Variants in ARK2N observed in about 807,000 individuals in gnomAD.
ARK2N encodes the protein arkadia (RNF111) N-terminal like PKA signaling regulator 2N, also known as protein ARK2N.
chr18:46,255,445 C>CTTTTTTTTTTTT, the ARK2N span, among the ~76,000 whole-genome samples: 4 of 77,738 alleles, frequency 5.1e-5, no homozygotes, highest in African/African-American at 1.8e-4. Flanking sequence ...CTTTTCTTTT[C>CTTTTTTTTTTTT]TTTTTTTTTT....
chr18:46,227,241 A>G, the ARK2N span, among the ~76,000 whole-genome samples: 1 of 152,216 alleles, frequency 6.6e-6, no homozygotes, highest in African/African-American at 2.4e-5. Flanking sequence ...AAGAGGAAGT[A>G]TAGGCGGTAT....
At chr18:46,182,615 GT>G in the ARK2N span, among the ~76,000 whole-genome samples, 1 of 141,562 alleles carries the variant, frequency 7.1e-6, no homozygotes, top group East Asian at 2.1e-4. Context: ...AAGAACCTCT[GT>G]TTTAAATTAT....
chr18:46,192,069 C>A, the ARK2N span, among the ~76,000 whole-genome samples: 655 of 152,270 alleles, frequency 4.3e-3, 5 homozygotes, highest in African/African-American at 0.015. Context: ...TAAGTCGCTT[C>A]CAATTTTTGA....
At chr18:46,229,516 T>A in the ARK2N span, among the ~76,000 whole-genome samples, 1 of 151,630 alleles carries the variant, frequency 6.6e-6, no homozygotes, top group East Asian at 1.9e-4. Flanking sequence ...CCCGGCTAAT[T>A]TTTTGTATTT....
the ARK2N span, among the ~76,000 whole-genome samples, chr18:46,195,835 T>C: frequency 6.6e-6 from 1 of 151,984 alleles, no homozygotes; most frequent in African/African-American, 2.4e-5. Context: ...TTCAGCCTCT[T>C]AAAATGCTGG....
the ARK2N span, among the ~76,000 whole-genome samples, chr18:46,183,778 C>G: frequency 6.6e-6 from 1 of 152,056 alleles, no homozygotes; most frequent in Non-Finnish European, 1.5e-5. Flanking sequence ...AAAACTGACT[C>G]AAAATCCCAG....
chr18:46,243,488 C>CT, the ARK2N span, among the ~76,000 whole-genome samples: 716 of 152,188 alleles, frequency 4.7e-3, 9 homozygotes, highest in African/African-American at 0.016. Flanking sequence ...AGTAGGTTGC[C>CT]TTTTTCCAAG....
the ARK2N span, chr18:46,216,353 G>A: frequency 1.2e-6 from 2 of 1,614,026 alleles, no homozygotes; most frequent in Non-Finnish European, 1.7e-6. This position sits in a 1 kb window ranked among gnomAD's most constrained non-coding sequence, Gnocchi z 4.3. Flanking sequence ...AAGAAAAACC[G>A]GCAATCCAGT....
At chr18:46,247,998 GCA>G in the ARK2N span, among the ~76,000 whole-genome samples, 1 of 152,132 alleles carries the variant, frequency 6.6e-6, no homozygotes, top group East Asian at 1.9e-4. Context: ...TAGTGAGTAG[GCA>G]CAGTTTTGAG....
chr18:46,192,581 T>A, the ARK2N span, among the ~76,000 whole-genome samples: 1 of 151,086 alleles, frequency 6.6e-6, no homozygotes, highest in African/African-American at 2.4e-5. Context: ...ATCTCAATTT[T>A]TTTTTTTTGA....
At chr18:46,246,548 A>G in the ARK2N span, among the ~76,000 whole-genome samples, 1 of 144,864 alleles carries the variant, frequency 6.9e-6, no homozygotes, top group African/African-American at 2.5e-5. Context: ...CTATTAGTCT[A>G]GGAGTTGTTA....
the ARK2N span, among the ~76,000 whole-genome samples, chr18:46,202,412 C>G: frequency 6.6e-6 from 1 of 152,146 alleles, no homozygotes; most frequent in Non-Finnish European, 1.5e-5. Context: ...GTGTAGTTAG[C>G]ATGAGCTAGG....
chr18:46,257,304 A>G, the ARK2N span, among the ~76,000 whole-genome samples: 1 of 152,054 alleles, frequency 6.6e-6, no homozygotes, highest in Non-Finnish European at 1.5e-5. Flanking sequence ...CAGTAATTCT[A>G]GTTGTGATAT....
chr18:46,200,455 G>A, the ARK2N span, among the ~76,000 whole-genome samples: 5 of 152,048 alleles, frequency 3.3e-5, no homozygotes, highest in Admixed American at 2.6e-4. Context: ...TTACAGGCAC[G>A]TGCCACCACG....
At chr18:46,198,405 T>C in the ARK2N span, among the ~76,000 whole-genome samples, 2 of 152,012 alleles carry the variant, frequency 1.3e-5, no homozygotes, top group Non-Finnish European at 2.9e-5. Flanking sequence ...ATTTTTACAT[T>C]GGTCCATAAA....
At chr18:46,229,047 A>G in the ARK2N span, among the ~76,000 whole-genome samples, 1 of 152,214 alleles carries the variant, frequency 6.6e-6, no homozygotes, top group African/African-American at 2.4e-5. Context: ...CTTAGAACCT[A>G]TACCAAAATA....
chr18:46,191,774 G>A, the ARK2N span, among the ~76,000 whole-genome samples: 6 of 152,230 alleles, frequency 3.9e-5, no homozygotes, highest in South Asian at 6.2e-4. Flanking sequence ...CCATTACAGC[G>A]TCATACAGAG....
chr18:46,238,341 A>G, the ARK2N span, among the ~76,000 whole-genome samples: 4 of 152,206 alleles, frequency 2.6e-5, no homozygotes, highest in Non-Finnish European at 5.9e-5. Context: ...CTTGGCCCTT[A>G]TATCTTCTGT....
chr18:46,240,286 C>T, the ARK2N span: 2 of 1,291,620 alleles, frequency 1.5e-6, no homozygotes, highest in African/African-American at 3.0e-5. Context: ...CAGGTCATAC[C>T]AGAGACATCT....
Sources: allele counts gnomAD v4.1 joint callset (sites outside exome capture counted in the v4.1 genomes callset), GRCh38; gene constraint gnomAD v4.1.1; non-coding constraint Gnocchi (gnomAD v3.1); transcripts MANE v1.5; gene names NCBI Gene and HGNC (gene_info 2026-07-23, HGNC 2026-07-21).